Variants in SIL1 observed in about 807,000 individuals in gnomAD.
SIL1 encodes the protein SIL1 nucleotide exchange factor.
Under a neutral mutation model 49.1 loss-of-function variants are expected in SIL1, and 40 were observed. That is an observed-to-expected ratio of 0.81 (90% CI 0.63 to 1.06). The LOEUF is 1.06. Among genes scored for constraint, SIL1 ranks in the 50% least tolerant of loss-of-function variants. The pLI, the probability that SIL1 is intolerant of heterozygous loss-of-function variation, is 0.00. For missense variants in SIL1, 500 were observed against 572.6 expected (o/e 0.87, Z 1.29); for synonymous variants, 253 against 250.8 (o/e 1.01, Z -0.08).
intron 7 of SIL1, among the ~76,000 whole-genome samples, chr5:138,963,157 G>T (rs983871740): frequency 1.3e-5 from 2 of 152,110 alleles, no homozygotes; most frequent in Admixed American, 6.5e-5. Flanking sequence ...GGGGGAGAGC[G>T]GAGGAGGCCA....
At chr5:139,142,917 C>T (rs1032703846) in intron 1 of SIL1, among the ~76,000 whole-genome samples, 2 of 151,900 alleles carry the variant, frequency 1.3e-5, no homozygotes, top group African/African-American at 2.4e-5. Context: ...TACAGGTGCC[C>T]GCCACCACGC....
At chr5:139,019,079 T>A (rs1275120376) in intron 7 of SIL1, among the ~76,000 whole-genome samples, 1 of 152,178 alleles carries the variant, frequency 6.6e-6, no homozygotes, top group Non-Finnish European at 1.5e-5. Context: ...CTAGATACTA[T>A]CCCCAGTGCT....
intron 1 of SIL1, among the ~76,000 whole-genome samples, chr5:139,142,926 G>A (rs912390617): frequency 4.6e-5 from 7 of 151,886 alleles, no homozygotes; most frequent in South Asian, 2.1e-4. Context: ...CCGCCACCAC[G>A]CCTGGCTAAT....
chr5:139,067,069 T>A (rs1769721816), intron 3 of SIL1, among the ~76,000 whole-genome samples: 1 of 152,230 alleles, frequency 6.6e-6, no homozygotes, highest in Admixed American at 6.5e-5. Flanking sequence ...ACATAGCGAA[T>A]GTCCATTGTG....
rs1468345392 is a variant in SIL1 at position 139,169,874 on chromosome 5, G to GTCTCCC, written c.-11+28389_-11+28394dup. Among the ~76,000 whole-genome samples the GTCTCCC allele has an allele frequency of 2.6e-5, 4 of 151,056 alleles. No individual in the cohort carries two copies. The South Asian group carries it at 6.3e-4, about 24-fold the overall frequency. ...CGGTCTCCCTCTCCCTCTTTCCACGGTCTCCCTCTCCCTCTCTCTCCACAG... is the reference window on the plus strand; with the variant it reads ...CGGTCTCCCTCTCCCTCTTTCCACGGTCTCCCTCTCCCTCTCCCTCTCTCTCCACAG... On this transcript the variant is annotated intron_variant, in intron 1 of 9. Transcript: ENST00000394817.
chr5:139,087,392 T>G (rs113022735), intron 3 of SIL1, among the ~76,000 whole-genome samples: 5 of 152,020 alleles, frequency 3.3e-5, no homozygotes, highest in Admixed American at 1.3e-4. Context: ...ACAAGGACAT[T>G]GAAAGACTCT....
intron 1 of SIL1, among the ~76,000 whole-genome samples, chr5:139,173,266 G>A (rs1269234136): frequency 1.3e-5 from 2 of 152,250 alleles, no homozygotes; most frequent in East Asian, 1.9e-4. Context: ...CAAAAAAAAT[G>A]AGGGCCGGGT....
At chr5:139,028,452 C>T (rs1394168533) in intron 5 of SIL1, among the ~76,000 whole-genome samples, 2 of 152,042 alleles carry the variant, frequency 1.3e-5, no homozygotes, top group Non-Finnish European at 2.9e-5. Flanking sequence ...GAGCGGAGAT[C>T]GTGCCACTGC....
intron 3 of SIL1, among the ~76,000 whole-genome samples, chr5:139,106,588 G>C (rs1284257045): frequency 6.6e-6 from 1 of 152,056 alleles, no homozygotes; most frequent in Non-Finnish European, 1.5e-5. Context: ...GGGCTTCTGA[G>C]GGTAAATGCT....
intron 1 of SIL1, among the ~76,000 whole-genome samples, chr5:139,149,104 C>T (rs1751249548): frequency 6.6e-6 from 1 of 151,340 alleles, no homozygotes; most frequent in Non-Finnish European, 1.5e-5. Context: ...TTGTAGCTCA[C>T]AAAAATGTGA....
At chr5:139,039,835 C>A (rs567555451) in intron 5 of SIL1, among the ~76,000 whole-genome samples, 1 of 152,260 alleles carries the variant, frequency 6.6e-6, no homozygotes, top group Non-Finnish European at 1.5e-5. Flanking sequence ...ATAAAAGCAT[C>A]AAGCAATTTG....
intron 3 of SIL1, among the ~76,000 whole-genome samples, chr5:139,053,156 T>C (rs941095916): frequency 2.0e-5 from 3 of 152,058 alleles, no homozygotes; most frequent in Non-Finnish European, 2.9e-5. Flanking sequence ...GACAAGACAA[T>C]AGTCCCTTCC....
At chr5:138,976,469 T>C (rs1038591481) in intron 7 of SIL1, among the ~76,000 whole-genome samples, 1 of 151,940 alleles carries the variant, frequency 6.6e-6, no homozygotes, top group Admixed American at 6.6e-5. Flanking sequence ...CGCGCCACCA[T>C]ACCTGGCTAA....
At chr5:139,131,374 C>T (rs1199453883) in intron 1 of SIL1, among the ~76,000 whole-genome samples, 4 of 152,068 alleles carry the variant, frequency 2.6e-5, no homozygotes, top group African/African-American at 4.8e-5. Context: ...GGACCCAAAG[C>T]GTGCCTGAAC....
intron 3 of SIL1, among the ~76,000 whole-genome samples, chr5:139,061,516 C>A (rs1043783956): frequency 1.3e-5 from 2 of 152,234 alleles, no homozygotes; most frequent in African/African-American, 4.8e-5. Context: ...ACTTGGCTAT[C>A]TTTGTTGGCT....
At chr5:138,987,339 C>CT (rs1767668686) in intron 7 of SIL1, among the ~76,000 whole-genome samples, 1 of 151,932 alleles carries the variant, frequency 6.6e-6, no homozygotes, top group East Asian at 1.9e-4. Flanking sequence ...TCTCAAACTC[C>CT]TGGCCTCAAT....
intron 1 of SIL1, among the ~76,000 whole-genome samples, chr5:139,182,939 A>G (rs1285859893): frequency 6.6e-6 from 1 of 152,202 alleles, no homozygotes; most frequent in Non-Finnish European, 1.5e-5. Context: ...AATCTCTCCT[A>G]CAGAGGAGAG....
chr5:139,110,136 T>C (rs1770810961), intron 3 of SIL1, among the ~76,000 whole-genome samples: 1 of 147,364 alleles, frequency 6.8e-6, no homozygotes, highest in Admixed American at 6.9e-5. Context: ...GCCATTGCAC[T>C]CCAGCCTGGG....
chr5:138,947,437 T>C lies in SIL1; in HGVS notation c.1066A>G (p.Met356Val), dbSNP rs1201493559. Reference protein sequence around the residue: ...AEEEAELTQEMSPEKLQQYRQ... With the variant: ...AEEEAELTQEVSPEKLQQYRQ... ...TACTGCTGCAGCTTCTCTGGGGACATCTCCTGGGTCAGCTCAGCCTCCTCC... is the reference window on the plus strand; with the variant it reads ...TACTGCTGCAGCTTCTCTGGGGACACCTCCTGGGTCAGCTCAGCCTCCTCC... The change falls in exon 10 of 10, where the codon ATG becomes GTG. Residue 356 changes from methionine (M) to valine (V), a missense_variant. Coordinates refer to ENST00000394817, the MANE Select transcript of SIL1 (RefSeq NM_022464.5). This position sits in a 1 kb window ranked among gnomAD's most constrained non-coding sequence, Gnocchi z 4.1. 2 of 1,613,366 alleles carry C rather than the reference T, an allele frequency of 1.2e-6. No homozygotes were observed. The highest frequency in any genetic ancestry group is 3.3e-5 in the Admixed American group (2 of 60,012).
Sources: gnomAD v4.1 joint callset for allele counts (sites outside exome capture counted in the v4.1 genomes callset) on GRCh38, gnomAD v4.1.1 for gene constraint, Gnocchi (gnomAD v3.1) non-coding constraint, MANE v1.5 for transcripts, NCBI Gene and HGNC (gene_info 2026-07-23, HGNC 2026-07-21) for gene names.